The following KCTD16 variants were observed in gnomAD, a reference collection of about 807,000 sequenced individuals.
The protein encoded by KCTD16 is BTB/POZ domain-containing protein KCTD16.
A neutral mutation model predicts 33.2 loss-of-function variants in KCTD16; 13 were observed. The observed-to-expected ratio is 0.39, with a 90% confidence interval of 0.25 to 0.62. The LOEUF is 0.62. KCTD16 is among the 20% of genes least tolerant of loss of function. KCTD16 has a pLI of 0.50. For synonymous variants in KCTD16, 197 were observed against 195.3 expected (o/e 1.01, Z -0.07); for missense variants, 441 against 525.1 (o/e 0.84, Z 1.57).
chr5:144,347,746 T>C (rs921725714), intron 3 of KCTD16, among the ~76,000 whole-genome samples: 1 of 152,132 alleles, frequency 6.6e-6, no homozygotes, highest in Non-Finnish European at 1.5e-5. Context: ...CTGACAGCTG[T>C]CCCTTTCCAG....
chr5:144,447,368 G>T (rs1561611493), intron 3 of KCTD16, among the ~76,000 whole-genome samples: 1 of 152,030 alleles, frequency 6.6e-6, no homozygotes, highest in African/African-American at 2.4e-5. Context: ...AAGAATATAT[G>T]GGCACAGGGA....
intron 2 of KCTD16, among the ~76,000 whole-genome samples, chr5:144,186,902 A>G (rs1401132143): frequency 6.6e-6 from 1 of 152,208 alleles, no homozygotes; most frequent in African/African-American, 2.4e-5. Flanking sequence ...AACACCTATT[A>G]TGTGTCAGGT....
chr5:144,181,095 G>T (rs989230228), intron 2 of KCTD16, among the ~76,000 whole-genome samples: 12 of 152,068 alleles, frequency 7.9e-5, no homozygotes, highest in Admixed American at 6.5e-4. Context: ...ACCACGCCCG[G>T]CTAATTTTTT....
intron 3 of KCTD16, among the ~76,000 whole-genome samples, chr5:144,238,828 T>C (rs1754324316): frequency 6.6e-6 from 1 of 152,196 alleles, no homozygotes. Context: ...TATTCACAAA[T>C]GCTTATTGAG....
intron 2 of KCTD16, among the ~76,000 whole-genome samples, chr5:144,183,897 A>C (rs1352302007): frequency 6.6e-6 from 1 of 152,190 alleles, no homozygotes; most frequent in Non-Finnish European, 1.5e-5. Flanking sequence ...AATCTTGTAC[A>C]TAGTGCTTGA....
intron 3 of KCTD16, among the ~76,000 whole-genome samples, chr5:144,397,971 G>A (rs777161959): frequency 4.9e-4 from 75 of 152,334 alleles, no homozygotes; most frequent in Admixed American, 1.3e-3. Context: ...GATAGAGCAT[G>A]TCAGGTGAAG....
intron 3 of KCTD16, among the ~76,000 whole-genome samples, chr5:144,335,818 G>A (rs1033749507): frequency 4.6e-5 from 7 of 152,158 alleles, no homozygotes; most frequent in Non-Finnish European, 1.0e-4. Context: ...GAAGGCAGGT[G>A]GGAAAAGAGC....
At chr5:144,290,447 T>A in intron 3 of KCTD16, among the ~76,000 whole-genome samples, 1 of 152,240 alleles carries the variant, frequency 6.6e-6, no homozygotes, top group East Asian at 1.9e-4. Flanking sequence ...GAATCTTCCT[T>A]TGCAATGATA....
At chr5:144,345,981 T>C (rs925966824) in intron 3 of KCTD16, among the ~76,000 whole-genome samples, 2 of 150,878 alleles carry the variant, frequency 1.3e-5, no homozygotes, top group African/African-American at 4.9e-5. Flanking sequence ...AGCTGTTAAC[T>C]ACCTCCACCT....
At chr5:144,245,693 G>A (rs937976726) in intron 3 of KCTD16, among the ~76,000 whole-genome samples, 1 of 152,096 alleles carries the variant, frequency 6.6e-6, no homozygotes, top group Admixed American at 6.5e-5. Flanking sequence ...CCCTTGGAGC[G>A]GTTGTTGCAA....
At chr5:144,460,281 T>C (rs1754165327) in intron 3 of KCTD16, among the ~76,000 whole-genome samples, 1 of 152,186 alleles carries the variant, frequency 6.6e-6, no homozygotes. Context: ...AAATACATGA[T>C]CTTCACAGGT....
chr5:144,437,150 G>A (rs900664510), intron 3 of KCTD16, among the ~76,000 whole-genome samples: 2 of 152,052 alleles, frequency 1.3e-5, no homozygotes, highest in Non-Finnish European at 1.5e-5. Context: ...CAGGTGTCCC[G>A]GCTGCTGTCC....
rs143309192 is a variant in KCTD16 at position 144,310,239 on chromosome 5, T to C, written c.832+102693T>C. Among the ~76,000 whole-genome samples, 564 of 152,346 alleles carry C rather than the reference T, an allele frequency of 3.7e-3. 3 individuals carry two copies. Among genetic ancestry groups the C allele is most frequent in the African/African-American group, 0.013 (540 of 41,584 alleles). ...CTACAAATGACAGGATTTCATTTTT[T>C]ATACGGTTGAATAGTATACCACTGT... On this transcript the variant is annotated intron_variant, in intron 3 of 3. Transcript: ENST00000512467.
Position 144,398,708 on chromosome 5 carries a change from A to ACTCT in KCTD16, c.833-74931_833-74928dup, listed in dbSNP as rs367796082. On this transcript the variant is annotated intron_variant, in intron 3 of 3. Transcript: ENST00000512467. Reference sequence around the variant, plus strand: ...CTTTGAATATATTACACACACACACACTCTCTCTCTCTCTCTCTCTCTCTT... The same window carrying ACTCT: ...CTTTGAATATATTACACACACACACACTCTCTCTCTCTCTCTCTCTCTCTCTCTT... Among the ~76,000 whole-genome samples the ACTCT allele has an allele frequency of 4.8e-3, 699 of 145,516 alleles. 1 individual carries two copies. The highest frequency in any genetic ancestry group is 9.4e-3 in the East Asian group (47 of 4,980).
intron 3 of KCTD16, among the ~76,000 whole-genome samples, chr5:144,409,606 C>T (rs1752886814): frequency 6.6e-6 from 1 of 151,994 alleles, no homozygotes; most frequent in Non-Finnish European, 1.5e-5. Flanking sequence ...CGCCTGTAAT[C>T]CCAGCACTTT....
At chr5:144,190,135 G>A (rs542894376) in intron 2 of KCTD16, among the ~76,000 whole-genome samples, 2 of 152,220 alleles carry the variant, frequency 1.3e-5, no homozygotes, top group South Asian at 4.1e-4. Flanking sequence ...TCTCCTTAAC[G>A]CTATTATACC....
chr5:144,397,385 C>T (rs983351193), intron 3 of KCTD16, among the ~76,000 whole-genome samples: 3 of 152,032 alleles, frequency 2.0e-5, no homozygotes, highest in Admixed American at 1.3e-4. Context: ...AATAAACATA[C>T]GTGTGCATAT....
intron 3 of KCTD16, among the ~76,000 whole-genome samples, chr5:144,350,630 G>T (rs1258928772): frequency 6.6e-6 from 1 of 151,974 alleles, no homozygotes; most frequent in African/African-American, 2.4e-5. Flanking sequence ...TTTTAGTTTG[G>T]GCTGTTAGAA....
At chr5:144,186,367 A>AAG (rs1554079435) in intron 2 of KCTD16, among the ~76,000 whole-genome samples, 6 of 151,512 alleles carry the variant, frequency 4.0e-5, no homozygotes, top group Non-Finnish European at 5.9e-5. Flanking sequence ...AAAAAAAGAA[A>AAG]AAAAAAAAAA....
Sources: allele counts gnomAD v4.1 joint callset (sites outside exome capture counted in the v4.1 genomes callset), GRCh38; gene constraint gnomAD v4.1.1; transcripts MANE v1.5; gene names NCBI Gene and HGNC (gene_info 2026-07-23, HGNC 2026-07-21).